The following BMP2K variants were observed in gnomAD, a reference collection of about 807,000 sequenced individuals.
The protein encoded by BMP2K is BMP2 inducible kinase.
BMP2K carries 74 observed loss-of-function variants against 116.0 expected under a neutral mutation model. The ratio of observed to expected loss-of-function variants is 0.64; its 90% CI spans 0.53 to 0.77. BMP2K has a LOEUF of 0.77. Ranked by LOEUF, BMP2K falls within the 30% of genes least tolerant of loss-of-function variation. The probability of loss-of-function intolerance (pLI) is 0.00; values close to 1 mark genes in which losing one functional copy is unlikely to be tolerated. For synonymous variants in BMP2K, 486 were observed against 502.5 expected (o/e 0.97, Z 0.44); for missense variants, 1,365 against 1,403.6 (o/e 0.97, Z 0.44).
rs1395551552 is a variant in BMP2K at position 78,914,205 on chromosome 4, A to G, written c.*2172A>G. 1 of 152,120 alleles carries G rather than the reference A, an allele frequency of 6.6e-6. No individual in the cohort carries two copies. Among genetic ancestry groups the G allele is most frequent in the Non-Finnish European group, 1.5e-5 (1 of 67,968 alleles). 9.4% of individuals were successfully genotyped at this position (152,120 alleles called of 1,614,324 possible). ...ATGAACTAATGTCTCCTTCAGATGT[A>G]AACATGAAATACCTAGAGTTTTACT... On this transcript the variant is annotated 3_prime_UTR_variant, in exon 16 of 16. Transcript: ENST00000502613.
At chr4:78,796,212 TAAA>T (rs1233217405) in intron 1 of BMP2K, among the ~76,000 whole-genome samples, 3 of 152,002 alleles carry the variant, frequency 2.0e-5, no homozygotes, top group Non-Finnish European at 4.4e-5. Flanking sequence ...TATGCAGCCA[TAAA>T]AAATGATGAG....
intron 15 of BMP2K, among the ~76,000 whole-genome samples, chr4:78,901,222 A>G (rs1733985851): frequency 6.7e-6 from 1 of 149,144 alleles, no homozygotes; most frequent in South Asian, 2.1e-4. Flanking sequence ...TTTTTATTTT[A>G]TTTTATTATT....
chr4:78,854,142 A>C (rs187022933), intron 7 of BMP2K, among the ~76,000 whole-genome samples: 93 of 149,866 alleles, frequency 6.2e-4, no homozygotes, highest in Admixed American at 5.5e-3. Context: ...CAGTAAGGTA[A>C]TGATGAACAC....
chr4:78,900,808 A>G (rs983580453), intron 15 of BMP2K, among the ~76,000 whole-genome samples: 19 of 152,240 alleles, frequency 1.2e-4, no homozygotes, highest in African/African-American at 4.6e-4. Context: ...TGATCCATTT[A>G]CGCAAAAATC....
At chr4:78,804,424 A>G (rs942041695) in intron 1 of BMP2K, among the ~76,000 whole-genome samples, 29 of 152,106 alleles carry the variant, frequency 1.9e-4, no homozygotes, top group Non-Finnish European at 3.7e-4. Context: ...GTGGATATAT[A>G]TTTTAGATTG....
At chr4:78,890,404 G>GCGCACACA (rs1553920701) in intron 15 of BMP2K, among the ~76,000 whole-genome samples, 4 of 147,968 alleles carry the variant, frequency 2.7e-5, no homozygotes, top group African/African-American at 7.4e-5. Flanking sequence ...ACAATCATGC[G>GCGCACACA]CACACACACA....
At chr4:78,883,007 A>G (rs552086740) in intron 14 of BMP2K, among the ~76,000 whole-genome samples, 2 of 152,224 alleles carry the variant, frequency 1.3e-5, no homozygotes, top group East Asian at 1.9e-4. Flanking sequence ...ACCATTATCC[A>G]TATAAGCAGC....
At chr4:78,874,331 CAT>C (rs968600591) in intron 13 of BMP2K, among the ~76,000 whole-genome samples, 14 of 152,102 alleles carry the variant, frequency 9.2e-5, no homozygotes, top group African/African-American at 3.1e-4. Context: ...AAAATTAAAA[CAT>C]ATTATACATT....
chr4:78,881,974 G>A (rs184522098), intron 14 of BMP2K, among the ~76,000 whole-genome samples: 1 of 151,920 alleles, frequency 6.6e-6, no homozygotes, highest in East Asian at 1.9e-4. Context: ...TTTATATTTG[G>A]TTTATAAAAC....
intron 1 of BMP2K, among the ~76,000 whole-genome samples, chr4:78,800,263 T>C (rs924121314): frequency 1.3e-5 from 2 of 152,172 alleles, no homozygotes; most frequent in Non-Finnish European, 2.9e-5. Context: ...AGTCCTATCC[T>C]CCCCTTCTGA....
rs572682916 is a variant in BMP2K at position 78,888,950 on chromosome 4, G to A, written c.2062+1666G>A. On this transcript the variant is annotated intron_variant, in intron 15 of 15. Coordinates refer to ENST00000502613, the MANE Select transcript of BMP2K (RefSeq NM_198892.2). The stretch of plus-strand genomic sequence containing the variant: ...AAATGCCCATTAATGGGCCGGGCGC[G>A]GTGGCTTGCGCCTGTAATCCCAGCA... Among the ~76,000 whole-genome samples the A allele has an allele frequency of 5.8e-4, 88 of 152,218 alleles. 1 individual carries two copies. The highest frequency in any genetic ancestry group is 1.9e-3 in the African/African-American group (79 of 41,530).
intron 1 of BMP2K, among the ~76,000 whole-genome samples, chr4:78,798,635 T>C (rs1728416642): frequency 6.6e-6 from 1 of 152,232 alleles, no homozygotes; most frequent in Non-Finnish European, 1.5e-5. Flanking sequence ...GAATTCTGAC[T>C]TGAGAATTTC....
chr4:78,865,887 T>C, intron 10 of BMP2K, 167 bp downstream of exon 10: 5 of 683,494 alleles, frequency 7.3e-6, no homozygotes, highest in Non-Finnish European at 1.2e-5. Context: ...TCTCAACAAT[T>C]CAATTGTTGT....
chr4:78,808,308 T>C (rs2162228), intron 1 of BMP2K, among the ~76,000 whole-genome samples: 28,844 of 145,964 alleles, frequency 0.2, 6,320 homozygotes, highest in African/African-American at 0.55. Flanking sequence ...CTGTGTTGCC[T>C]AGACTGGAGT....
chr4:78,872,551 T>C (rs1343465649), intron 12 of BMP2K, 63 bp from the exon 13 acceptor site: 12 of 1,433,694 alleles, frequency 8.4e-6, no homozygotes, highest in Non-Finnish European at 1.1e-5. Context: ...AGTAAATAGA[T>C]GCAGTGCTGA....
intron 7 of BMP2K, among the ~76,000 whole-genome samples, chr4:78,858,800 G>A (rs911109547): frequency 2.0e-5 from 3 of 151,758 alleles, no homozygotes; most frequent in Admixed American, 6.6e-5. Flanking sequence ...TGAAGCAGAG[G>A]TAGACTTTGA....
At chr4:78,779,600 AATG>A (rs1727408669) in intron 1 of BMP2K, among the ~76,000 whole-genome samples, 1 of 152,254 alleles carries the variant, frequency 6.6e-6, no homozygotes, top group Admixed American at 6.5e-5. Context: ...TGCTATGAGT[AATG>A]ATTTTGGGGA....
At chr4:78,794,888 A>G (rs1243291460) in intron 1 of BMP2K, among the ~76,000 whole-genome samples, 1 of 152,200 alleles carries the variant, frequency 6.6e-6, no homozygotes, top group African/African-American at 2.4e-5. Context: ...ATGTTTGATT[A>G]CTATTTATCT....
intron 15 of BMP2K, among the ~76,000 whole-genome samples, chr4:78,900,995 A>C (rs896352045): frequency 6.6e-6 from 1 of 152,154 alleles, no homozygotes; most frequent in Admixed American, 6.5e-5. Context: ...CTGAGTTAAA[A>C]ATCTTAGTTC....
Sources: gnomAD v4.1 joint callset for allele counts (sites outside exome capture counted in the v4.1 genomes callset) on GRCh38, gnomAD v4.1.1 for gene constraint, MANE v1.5 for transcripts, NCBI Gene and HGNC (gene_info 2026-07-23, HGNC 2026-07-21) for gene names.